The following ME3 variants were observed in gnomAD, a reference collection of about 807,000 sequenced individuals.
The protein encoded by ME3 is malic enzyme 3.
A neutral mutation model predicts 68.9 loss-of-function variants in ME3; 48 were observed. The observed-to-expected ratio is 0.70, with a 90% CI of 0.55 to 0.89. The LOEUF is 0.89. Ranked by LOEUF, ME3 falls within the 40% of genes least tolerant of loss-of-function variation. The probability of loss-of-function intolerance (pLI) is 0.00; values close to 1 mark genes in which losing one functional copy is unlikely to be tolerated. For synonymous variants in ME3, 320 were observed against 318.8 expected (o/e 1.00, Z -0.04); for missense variants, 675 against 797.4 (o/e 0.85, Z 1.85).
At chr11:86,570,435 G>T (rs1320155202) in intron 2 of ME3, among the ~76,000 whole-genome samples, 1 of 152,124 alleles carries the variant, frequency 6.6e-6, no homozygotes, top group Non-Finnish European at 1.5e-5. Context: ...TCTGGTTGGA[G>T]ACAGGAAATG....
intron 2 of ME3, among the ~76,000 whole-genome samples, chr11:86,614,005 A>G (rs550767895): frequency 6.6e-6 from 1 of 152,338 alleles, no homozygotes; most frequent in Non-Finnish European, 1.5e-5. Context: ...GAGAGCCTGT[A>G]TAGTCAAGAC....
In ME3 at chr11:86,481,521, A is replaced by T. The variant is rs1466481080; in HGVS notation, c.809+5816T>A. On this transcript the variant is annotated intron_variant, in intron 7 of 14. Coordinates refer to ENST00000543262, the Ensembl canonical transcript of ME3. ...ACTCAGAAGCAAAGCCAGATTTAGG[A>T]ACCATAGGTCAGTATTAGCATATTA... Among the ~76,000 whole-genome samples, 11 of 152,266 alleles carry T rather than the reference A, an allele frequency of 7.2e-5. No homozygotes were observed. In the East Asian group the frequency reaches 1.9e-3, roughly 27 times the overall value.
intron 2 of ME3, among the ~76,000 whole-genome samples, chr11:86,607,602 T>C (rs1961891595): frequency 6.6e-6 from 1 of 151,672 alleles, no homozygotes; most frequent in South Asian, 2.1e-4. Flanking sequence ...AGAGGGAAGG[T>C]ACTTCCCACT....
At chr11:86,592,559 A>G (rs1469613544) in intron 2 of ME3, among the ~76,000 whole-genome samples, 1 of 152,190 alleles carries the variant, frequency 6.6e-6, no homozygotes, top group Non-Finnish European at 1.5e-5. Context: ...ACATAGAGAC[A>G]GTGTTTGGGA....
At chr11:86,637,325 A>AAAC (rs554737392) in intron 2 of ME3, among the ~76,000 whole-genome samples, 20 of 148,992 alleles carry the variant, frequency 1.3e-4, no homozygotes, top group East Asian at 3.9e-4. Context: ...GGTAATACGT[A>AAAC]AACAACAACA....
At position 86,498,368 on chromosome 11, in the gene ME3, C is replaced by T. The variant is rs117143649; in HGVS notation, c.544-244G>A. Among the ~76,000 whole-genome samples the T allele has an allele frequency of 1.0e-3, 159 of 152,304 alleles. 4 individuals carry two copies. In the East Asian group the frequency reaches 0.028, roughly 27 times the overall value. ...AAAGATGCCTGCCTTGCATTCTGAGCTTCAGGTGGGGGCTGCAGAAACAGC... is the reference window on the plus strand; with the variant it reads ...AAAGATGCCTGCCTTGCATTCTGAGTTTCAGGTGGGGGCTGCAGAAACAGC... On this transcript the variant is annotated intron_variant, in intron 5 of 14. Transcript: ENST00000543262.
At position 86,667,691 on chromosome 11, in the gene ME3, A is replaced by G. The variant is rs560932818; in HGVS notation, c.183+4071T>C. ...CAGAAGGCAACAGTGTGATAAGACA[A>G]ATAGGAGGGGACTCAGATCTAGTTT... On this transcript the variant is annotated intron_variant, in intron 2 of 14. Transcript: ENST00000543262. 3.3e-5 allele frequency: 5 copies of G among 152,324 alleles called. No individual in the cohort carries two copies. In the South Asian group the frequency reaches 8.3e-4, roughly 25 times the overall value. 9.4% of individuals were successfully genotyped at this position (152,324 alleles called of 1,614,324 possible). A position where few individuals can be genotyped will look rare whatever the true frequency, so the allele number is the denominator to read the frequency against.
At chr11:86,462,224 T>C (rs1469581554) in intron 8 of ME3, among the ~76,000 whole-genome samples, 1 of 152,118 alleles carries the variant, frequency 6.6e-6, no homozygotes, top group Non-Finnish European at 1.5e-5. Flanking sequence ...TTTTTAAAAT[T>C]TTGGAGGTTT....
chr11:86,640,337 G>A (rs1594754984), intron 2 of ME3, among the ~76,000 whole-genome samples: 1 of 152,208 alleles, frequency 6.6e-6, no homozygotes, highest in East Asian at 1.9e-4. Flanking sequence ...GGTTTTCCAA[G>A]GCTAGGCAGC....
intron 7 of ME3, among the ~76,000 whole-genome samples, chr11:86,485,664 C>G (rs949609041): frequency 2.0e-5 from 3 of 152,184 alleles, no homozygotes; most frequent in African/African-American, 7.2e-5. Flanking sequence ...TGTCCCTCCC[C>G]TTTACCACGT....
rs373037534 is a variant in ME3, at chr11:86,614,265, T to G, written c.184-54442A>C. On this transcript the variant is annotated intron_variant, in intron 2 of 14. Coordinates refer to ENST00000543262, the Ensembl canonical transcript of ME3. Reference sequence around the variant, plus strand: ...ACTGTGGAGCTGGCATTCAAACTCATGTCTGGCTGATTCCAAAGACTATTA... The same window carrying G: ...ACTGTGGAGCTGGCATTCAAACTCAGGTCTGGCTGATTCCAAAGACTATTA... Among the ~76,000 whole-genome samples, 7 of 152,342 alleles carry G rather than the reference T, an allele frequency of 4.6e-5. No individual in the cohort carries two copies. The East Asian group carries it at 5.8e-4, about 13-fold the overall frequency.
At chr11:86,522,336 A>T (rs1954382789) in intron 4 of ME3, among the ~76,000 whole-genome samples, 1 of 152,110 alleles carries the variant, frequency 6.6e-6, no homozygotes, top group Non-Finnish European at 1.5e-5. Context: ...ACAAATTAAA[A>T]ATGTAGTGTA....
At chr11:86,524,166 G>T (rs80183317) in intron 4 of ME3, among the ~76,000 whole-genome samples, 1 of 152,086 alleles carries the variant, frequency 6.6e-6, no homozygotes, top group Admixed American at 6.6e-5. Flanking sequence ...CCTTCCTGAC[G>T]TCTAGAAGGC....
At chr11:86,614,870 G>C (rs920087603) in intron 2 of ME3, among the ~76,000 whole-genome samples, 14 of 152,106 alleles carry the variant, frequency 9.2e-5, no homozygotes, top group African/African-American at 3.4e-4. Context: ...TTAAGAGCTT[G>C]GTACTCCCAG....
At chr11:86,516,822 C>T (rs1405115572) in intron 4 of ME3, among the ~76,000 whole-genome samples, 2 of 152,324 alleles carry the variant, frequency 1.3e-5, no homozygotes, top group East Asian at 3.9e-4. Flanking sequence ...GACTTTCCTA[C>T]TTTCATTTCC....
At chr11:86,509,605 G>T (rs1295173947) in intron 4 of ME3, among the ~76,000 whole-genome samples, 2 of 152,178 alleles carry the variant, frequency 1.3e-5, no homozygotes, top group Non-Finnish European at 2.9e-5. Flanking sequence ...AATAGCTTGA[G>T]GTATCAGATA....
intron 4 of ME3, among the ~76,000 whole-genome samples, chr11:86,509,114 T>C (rs985097705): frequency 6.6e-6 from 1 of 151,976 alleles, no homozygotes; most frequent in African/African-American, 2.4e-5. Flanking sequence ...CTCCCCAGAG[T>C]CTGTGCCCTT....
intron 2 of ME3, among the ~76,000 whole-genome samples, chr11:86,589,443 G>C (rs911715888): frequency 1.3e-5 from 2 of 152,188 alleles, no homozygotes; most frequent in African/African-American, 2.4e-5. Context: ...TTGATTAGGA[G>C]ATAGCAATCA....
At chr11:86,471,700 A>G (rs1042409141) in intron 7 of ME3, among the ~76,000 whole-genome samples, 2 of 152,228 alleles carry the variant, frequency 1.3e-5, no homozygotes, top group Admixed American at 6.5e-5. Context: ...ATGGTGGCAC[A>G]TGCCAGTCAT....
Sources: gnomAD v4.1 joint callset for allele counts (sites outside exome capture counted in the v4.1 genomes callset) on GRCh38, gnomAD v4.1.1 for gene constraint, MANE v1.5 for transcripts, NCBI Gene and HGNC (gene_info 2026-07-23, HGNC 2026-07-21) for gene names.